The following CCDC3 variants were observed in gnomAD, a reference collection of about 807,000 sequenced individuals.
The protein encoded by CCDC3 is coiled-coil domain containing 3.
CCDC3 carries 24 observed loss-of-function variants against 21.4 expected under a neutral mutation model. The observed-to-expected ratio is 1.12, with a 90% CI of 0.81 to 1.58. The LOEUF (loss-of-function observed/expected upper bound fraction) is 1.58. Ranked by LOEUF, CCDC3 falls within the 40% of genes most tolerant of loss-of-function variation. CCDC3 has a pLI of 0.00. For synonymous variants in CCDC3, 186 were observed against 166.0 expected, an observed-to-expected ratio of 1.12 and a Z score of -0.93; for missense variants, 425 against 360.9, an observed-to-expected ratio of 1.18 and a Z score of -1.44.
rs1589013957 is a variant in CCDC3 at position 12,938,300 on chromosome 10, A to C, written c.550-39621T>G. 1.3e-5 allele frequency among the ~76,000 whole-genome samples: 2 copies of C among 152,042 alleles called. 1 individual carries two copies. The highest frequency in any genetic ancestry group is 6.8e-3 in the Middle Eastern group (2 of 294). On this transcript the variant is annotated intron_variant, in intron 2 of 2. Transcript: ENST00000378825. ...GCTGGCTTTCTGATCACCAGTCCACACGTTCAATACTTTTAGCCCCCAGTC... is the reference window on the plus strand; with the variant it reads ...GCTGGCTTTCTGATCACCAGTCCACCCGTTCAATACTTTTAGCCCCCAGTC...
intron 3 of CCDC3, among the ~76,000 whole-genome samples, chr10:13,077,637 CACAGTA>C (rs1564341602): frequency 6.6e-6 from 1 of 151,066 alleles, no homozygotes; most frequent in East Asian, 2.0e-4. Flanking sequence ...ACCAAAACAG[CACAGTA>C]CTGGTACCAA....
At chr10:13,087,864 T>C (rs1399947447) in intron 3 of CCDC3, among the ~76,000 whole-genome samples, 2 of 152,192 alleles carry the variant, frequency 1.3e-5, no homozygotes, top group Admixed American at 1.3e-4. Context: ...GCACTAGCAA[T>C]TGTGGTCCTC....
intron 5 of CCDC3, among the ~76,000 whole-genome samples, chr10:13,041,927 C>A (rs1836463141): frequency 6.6e-6 from 1 of 152,144 alleles, no homozygotes; most frequent in African/African-American, 2.4e-5. Context: ...GTGCCCAGCC[C>A]TGGCAGAGAA....
chr10:13,095,314 G>T (rs1832617583), intron 3 of CCDC3, among the ~76,000 whole-genome samples: 1 of 152,180 alleles, frequency 6.6e-6, no homozygotes, highest in Admixed American at 6.5e-5. Flanking sequence ...GATGATTCAT[G>T]CAGCGACCAC....
chr10:12,965,446 T>A (rs1327601850), intron 2 of CCDC3, among the ~76,000 whole-genome samples: 1 of 152,204 alleles, frequency 6.6e-6, no homozygotes, highest in Non-Finnish European at 1.5e-5. Context: ...CATAGTCACA[T>A]ATACACACCA....
rs147009016 is a variant in CCDC3 at position 12,995,691 on chromosome 10, G to T, written c.549+2647C>A. 1.1e-3 allele frequency among the ~76,000 whole-genome samples: 168 copies of T among 152,266 alleles called. 3 individuals carry two copies. The highest frequency in any genetic ancestry group is 3.8e-3 in the African/African-American group (158 of 41,566). On this transcript the variant is annotated intron_variant, in intron 2 of 2. Coordinates refer to ENST00000378825, the MANE Select transcript of CCDC3 (RefSeq NM_031455.4). ...CAGCAGCTCAGCAAAGTGAAATAAT[G>T]ATCTTCCTCACCTCAAGTTTCCACT...
chr10:12,992,459 G>T (rs1835696354), intron 2 of CCDC3, among the ~76,000 whole-genome samples: 1 of 152,046 alleles, frequency 6.6e-6, no homozygotes, highest in Non-Finnish European at 1.5e-5. Context: ...ATATGTCATG[G>T]AATACTACTC....
chr10:12,969,241 A>G (rs900387696), intron 2 of CCDC3, among the ~76,000 whole-genome samples: 6 of 152,328 alleles, frequency 3.9e-5, no homozygotes, highest in African/African-American at 1.4e-4. Flanking sequence ...AAAGGAGATT[A>G]AAACCATAAT....
At chr10:12,933,900 A>G (rs1380317690) in intron 2 of CCDC3, among the ~76,000 whole-genome samples, 6 of 152,152 alleles carry the variant, frequency 3.9e-5, no homozygotes, top group African/African-American at 1.4e-4. Flanking sequence ...TTTTCAAAGA[A>G]TCAGCTCTTT....
Position 13,001,518 on chromosome 10 carries a change from G to A in CCDC3, c.53C>T (p.Pro18Leu), listed in dbSNP as rs1835855027. The A allele has an allele frequency of 2.3e-6, 3 of 1,319,354 alleles. No homozygotes were observed. The highest frequency in any genetic ancestry group is 2.9e-6 in the Non-Finnish European group (3 of 1,037,094). 81.7% of individuals were successfully genotyped at this position (1,319,354 alleles called of 1,614,324 possible). A position where few individuals can be genotyped will look rare whatever the true frequency, so the allele number is the denominator to read the frequency against. The change falls in exon 1 of 3, where the codon CCC (proline) becomes CTC (leucine). Residue 18 changes from proline to leucine, a missense_variant. Pro to Leu is a moderately conservative substitution (Grantham distance 98). Coordinates refer to ENST00000378825, the MANE Select transcript of CCDC3 (RefSeq NM_031455.4). The part of the protein sequence containing the change: ...AALCLAGPPA[P>L]ARACQLPSEW... Reference sequence around the variant, plus strand: ...GGAGGGCAGCTGGCAGGCGCGCGCGGGCGCTGGGGGACCCGCCAGGCAGAG... The same window carrying A: ...GGAGGGCAGCTGGCAGGCGCGCGCGAGCGCTGGGGGACCCGCCAGGCAGAG...
intron 1 of CCDC3, 38 bp downstream of exon 1, chr10:13,001,159 G>C: frequency 9.8e-7 from 1 of 1,022,166 alleles, no homozygotes; most frequent in Non-Finnish European, 1.3e-6. Context: ...AGGTGGCGCA[G>C]AGAGAGAGAG....
intron 2 of CCDC3, among the ~76,000 whole-genome samples, chr10:12,935,062 C>CT (rs374416181): frequency 8.6e-4 from 125 of 146,070 alleles, no homozygotes; most frequent in East Asian, 2.8e-3. Context: ...CCAAACCTGG[C>CT]TTTTTTTTTT....
chr10:13,031,923 C>T (rs1026070662), intron 5 of CCDC3, among the ~76,000 whole-genome samples: 6 of 152,182 alleles, frequency 3.9e-5, no homozygotes, highest in Non-Finnish European at 1.5e-5. Flanking sequence ...CAAAGAGGAG[C>T]TGGTACCATT....
At chr10:13,079,707 G>C (rs1442310866) in intron 3 of CCDC3, among the ~76,000 whole-genome samples, 1 of 152,146 alleles carries the variant, frequency 6.6e-6, no homozygotes, top group Non-Finnish European at 1.5e-5. Context: ...GTAGTAAAAA[G>C]GATATTCAAA....
rs151005857 is a variant in CCDC3, at chr10:12,979,117, G to A, written c.549+19221C>T. Reference sequence around the variant, plus strand: ...TCCTCGTGAGCCCCTAACTCTTTCAGGATACATATCCCTCTCTATAAACTA... The same window carrying A: ...TCCTCGTGAGCCCCTAACTCTTTCAAGATACATATCCCTCTCTATAAACTA... On this transcript the variant is annotated intron_variant, in intron 2 of 2. Transcript: ENST00000378825. Among the ~76,000 whole-genome samples, 3 of 152,126 alleles carry A rather than the reference G, an allele frequency of 2.0e-5. No homozygotes were observed. In the East Asian group the frequency reaches 5.8e-4, roughly 29 times the overall value.
chr10:12,982,511 C>T (rs12245034), intron 2 of CCDC3, among the ~76,000 whole-genome samples: 2,336 of 151,788 alleles, frequency 0.015, 65 homozygotes, highest in African/African-American at 0.053. Flanking sequence ...AAAAAAAAAT[C>T]GGCCGGGTGC....
intron 2 of CCDC3, among the ~76,000 whole-genome samples, chr10:12,985,814 A>G (rs1314433049): frequency 6.6e-6 from 1 of 152,212 alleles, no homozygotes. Flanking sequence ...GTGATGGGAC[A>G]GTTCTGTATC....
chr10:12,977,363 G>C (rs776359029), intron 2 of CCDC3, among the ~76,000 whole-genome samples: 2 of 152,204 alleles, frequency 1.3e-5, no homozygotes, highest in African/African-American at 4.8e-5. Context: ...GTGTCTTTAA[G>C]AGAGTAAGCA....
intron 2 of CCDC3, among the ~76,000 whole-genome samples, chr10:12,904,890 C>T (rs1198845627): frequency 1.3e-5 from 2 of 151,960 alleles, no homozygotes; most frequent in African/African-American, 4.8e-5. Flanking sequence ...AAAGTCCCCC[C>T]CAGTTATTCT....
Sources: allele counts gnomAD v4.1 joint callset (sites outside exome capture counted in the v4.1 genomes callset), GRCh38; gene constraint gnomAD v4.1.1; transcripts MANE v1.5; gene names NCBI Gene and HGNC (gene_info 2026-07-23, HGNC 2026-07-21).